PCDHGB4: variants seen among roughly 807,000 people sequenced by gnomAD.
The protein encoded by PCDHGB4 is protocadherin gamma subfamily B, 4.
A neutral mutation model predicts 60.5 loss-of-function variants in PCDHGB4; 38 were observed. The ratio of observed to expected loss-of-function variants is 0.63; its 90% CI spans 0.48 to 0.82. PCDHGB4 has a LOEUF of 0.82. PCDHGB4 is among the 40% of genes least tolerant of loss of function. The probability of loss-of-function intolerance (pLI) is 0.00; values close to 1 mark genes in which losing one functional copy is unlikely to be tolerated. For synonymous variants in PCDHGB4, 456 were observed against 509.7 expected, an observed-to-expected ratio of 0.89 and a Z score of 1.42; for missense variants, 1,109 against 1,209.6, an observed-to-expected ratio of 0.92 and a Z score of 1.23.
rs2097504446 is a variant in PCDHGB4, at chr5:141,432,472, T to C, written c.2397+42191T>C. The C allele has an allele frequency of 9.9e-6, 16 of 1,614,012 alleles. No homozygotes were observed. Among genetic ancestry groups the C allele is most frequent in the Non-Finnish European group, 1.4e-5 (16 of 1,180,036 alleles). ...TGTACCCCGCCCTCCCCACGGACGG[T>C]TCCACTGGCGTGGAGCTGGCTCCCC... On this transcript the variant is annotated intron_variant, in intron 1 of 3. Transcript: ENST00000519479. This position sits in a 1 kb window ranked among gnomAD's most constrained non-coding sequence, Gnocchi z 6.0.
Position 141,489,999 on chromosome 5 carries a change from GA to G in PCDHGB4, c.2398-4806del. On this transcript the variant is annotated intron_variant, in intron 1 of 3. Transcript: ENST00000519479. The surrounding 1 kb of genome is among the most constrained non-coding windows in gnomAD (Gnocchi z 4.5). ...CAGTTCTACGTGTGGGAATCCCAGA[GA>G]ATGCACCCATTGGTACTCTGCTGCT... 1 of 1,614,242 alleles carries G rather than the reference GA, an allele frequency of 6.2e-7. No individual in the cohort carries two copies. Among genetic ancestry groups the G allele is most frequent in the Non-Finnish European group, 8.5e-7 (1 of 1,180,032 alleles).
chr5:141,415,435 C>G, intron 1 of PCDHGB4: 1 of 1,614,202 alleles, frequency 6.2e-7, no homozygotes. Flanking sequence ...TCGGGCTTTC[C>G]TGCAGACCTA....
At chr5:141,406,827 A>G (rs2094856328) in intron 1 of PCDHGB4, among the ~76,000 whole-genome samples, 1 of 152,242 alleles carries the variant, frequency 6.6e-6, no homozygotes, top group South Asian at 2.1e-4. Context: ...CTAGAAATGA[A>G]CTTGCATATC....
At chr5:141,409,011 A>T in intron 1 of PCDHGB4, 1 of 1,613,974 alleles carries the variant, frequency 6.2e-7, no homozygotes, top group Non-Finnish European at 8.5e-7. Context: ...ACTGACCAGG[A>T]TGAGGGGGTC....
At position 141,404,694 on chromosome 5, in the gene PCDHGB4, C is replaced by T. The variant is rs749803871; in HGVS notation, c.2397+14413C>T. 10 of 1,614,116 alleles carry T rather than the reference C, an allele frequency of 6.2e-6. No homozygotes were observed. The East Asian group carries it at 2.0e-4, about 32-fold the overall frequency. ...ACTGGTGTGGAGCTGGCACCCCGCT[C>T]TGCAGAGCCTGGCTACCTGGTGACC... On this transcript the variant is annotated intron_variant, in intron 1 of 3. Coordinates refer to ENST00000519479, the MANE Select transcript of PCDHGB4 (RefSeq NM_003736.4).
intron 1 of PCDHGB4, chr5:141,390,655 A>G (rs2092202484): frequency 4.9e-6 from 1 of 204,734 alleles, no homozygotes; most frequent in Non-Finnish European, 9.8e-6. Flanking sequence ...GCTTGGATAT[A>G]CCATAAATAT....
chr5:141,409,217 G>T (rs1394491727), intron 1 of PCDHGB4: 3 of 1,613,852 alleles, frequency 1.9e-6, no homozygotes, highest in Non-Finnish European at 2.5e-6. Flanking sequence ...AGAAATCCTT[G>T]ATGAAAACGA....
rs781229038 is a variant in PCDHGB4, at chr5:141,489,990, A to C, written c.2398-4817A>C. 1.2e-4 allele frequency: 194 copies of C among 1,614,138 alleles called. No individual in the cohort carries two copies. Among genetic ancestry groups the C allele is most frequent in the Non-Finnish European group, 1.6e-4 (188 of 1,180,038 alleles). Reference sequence around the variant, plus strand: ...TCCAATCCTCAGTTCTACGTGTGGGAATCCCAGAGAATGCACCCATTGGTA... The same window carrying C: ...TCCAATCCTCAGTTCTACGTGTGGGCATCCCAGAGAATGCACCCATTGGTA... On this transcript the variant is annotated intron_variant, in intron 1 of 3. Transcript: ENST00000519479. The surrounding 1 kb of genome is among the most constrained non-coding windows in gnomAD (Gnocchi z 4.5).
At chr5:141,413,922 A>G (rs769177990) in intron 1 of PCDHGB4, 2 of 1,613,458 alleles carry the variant, frequency 1.2e-6, no homozygotes, top group Non-Finnish European at 1.7e-6. Context: ...TCACCTTGCC[A>G]GAATACCGAG....
At chr5:141,483,937 C>T (rs964918788) in intron 1 of PCDHGB4, among the ~76,000 whole-genome samples, 1 of 130,444 alleles carries the variant, frequency 7.7e-6, no homozygotes, top group African/African-American at 2.9e-5. Flanking sequence ...TAGGTACCTA[C>T]GGTGTGAATT....
chr5:141,393,492 C>T (rs778632774), intron 1 of PCDHGB4: 11 of 1,613,922 alleles, frequency 6.8e-6, no homozygotes, highest in African/African-American at 1.3e-5. Flanking sequence ...TAGCACAGTG[C>T]GCATCCACGT....
intron 1 of PCDHGB4, chr5:141,404,311 T>G (rs746092761): frequency 1.9e-6 from 3 of 1,613,924 alleles, no homozygotes. Flanking sequence ...CTGCTTTCTC[T>G]CAAGCCTCCT....
Position 141,399,482 on chromosome 5 carries a change from C to T in PCDHGB4, c.2397+9201C>T, listed in dbSNP as rs559370708. 8.1e-6 allele frequency: 13 copies of T among 1,613,934 alleles called. No individual in the cohort carries two copies. In the South Asian group the frequency reaches 1.3e-4, roughly 16 times the overall value. ...AACGCTCCGGTTTTCCACCAGGCGT[C>T]CTACTTAGTCAGTGTACCCGAAAAC... On this transcript the variant is annotated intron_variant, in intron 1 of 3. Coordinates refer to ENST00000519479, the MANE Select transcript of PCDHGB4 (RefSeq NM_003736.4).
At position 141,432,156 on chromosome 5, in the gene PCDHGB4, C is replaced by A; in HGVS notation, c.2397+41875C>A. On this transcript the variant is annotated intron_variant, in intron 1 of 3. Transcript: ENST00000519479. This position sits in a 1 kb window ranked among gnomAD's most constrained non-coding sequence, Gnocchi z 6.0. Reference sequence around the variant, plus strand: ...TCCGCTTATATCCCAGAGAACAATCCCAGAGGAGTTTCCCTCGTCTCTGTG... The same window carrying A: ...TCCGCTTATATCCCAGAGAACAATCACAGAGGAGTTTCCCTCGTCTCTGTG... The A allele has an allele frequency of 6.2e-7, 1 of 1,614,142 alleles. No homozygotes were observed. Among genetic ancestry groups the A allele is most frequent in the East Asian group, 2.2e-5 (1 of 44,874 alleles).
At position 141,490,521 on chromosome 5, in the gene PCDHGB4, C is replaced by T. The variant is rs146064810; in HGVS notation, c.2398-4286C>T. The stretch of plus-strand genomic sequence containing the variant: ...ACTATATCATCGAGCTGCTGGCCAG[C>T]GATGCTGGTTCACCTTCCCTACACA... On this transcript the variant is annotated intron_variant, in intron 1 of 3. Coordinates refer to ENST00000519479, the MANE Select transcript of PCDHGB4 (RefSeq NM_003736.4). This position sits in a 1 kb window ranked among gnomAD's most constrained non-coding sequence, Gnocchi z 5.4. The T allele has an allele frequency of 1.0e-4, 166 of 1,614,058 alleles. No individual in the cohort carries two copies. In the African/African-American group the frequency reaches 1.7e-3, roughly 16 times the overall value.
At chr5:141,425,624 G>T (rs1007643604) in intron 1 of PCDHGB4, among the ~76,000 whole-genome samples, 1 of 152,184 alleles carries the variant, frequency 6.6e-6, no homozygotes, top group African/African-American at 2.4e-5. Flanking sequence ...TGCTCCTCCA[G>T]TTTTCTCTGA....
At position 141,494,872 on chromosome 5, in the gene PCDHGB4, G is replaced by T. The variant is rs917132299; in HGVS notation, c.2456+7G>T. On this transcript the variant is annotated splice_region_variant and intron_variant, in intron 2 of 3. Transcript: ENST00000519479. The stretch of plus-strand genomic sequence containing the variant: ...AGAGACCCGGCACCAGCGGGTAGGT[G>T]ACTGATTCTCCAGCCCACCCTCTTC... 7 of 1,614,010 alleles carry T rather than the reference G, an allele frequency of 4.3e-6. No homozygotes were observed. The highest frequency in any genetic ancestry group is 1.3e-5 in the African/African-American group (1 of 74,910).
At chr5:141,400,059 T>C (rs2093953035) in intron 1 of PCDHGB4, 2 of 1,613,750 alleles carry the variant, frequency 1.2e-6, no homozygotes, top group South Asian at 2.2e-5. Context: ...CTGTGCGTGA[T>C]GGTGGACAGC....
intron 1 of PCDHGB4, chr5:141,419,779 GC>G: frequency 1.2e-6 from 2 of 1,614,064 alleles, no homozygotes; most frequent in African/African-American, 2.7e-5. Context: ...CGGTCCGCCA[GC>G]GCCTGCTAGT....
Sources: allele counts gnomAD v4.1 joint callset (sites outside exome capture counted in the v4.1 genomes callset), GRCh38; gene constraint gnomAD v4.1.1; non-coding constraint Gnocchi (gnomAD v3.1); transcripts MANE v1.5; gene names NCBI Gene and HGNC (gene_info 2026-07-23, HGNC 2026-07-21).